TNFAIP8: variants seen among roughly 807,000 people sequenced by gnomAD.
TNFAIP8 encodes the protein TNF alpha induced protein 8.
Under a neutral mutation model 13.3 loss-of-function variants are expected in TNFAIP8, and 7 were observed. The ratio of observed to expected loss-of-function variants is 0.52; its 90% CI spans 0.30 to 0.99. TNFAIP8 has a LOEUF of 0.99. Ranked by LOEUF, TNFAIP8 falls within the 50% of genes least tolerant of loss-of-function variation. The pLI is 0.07. For missense variants in TNFAIP8, 258 were observed against 236.9 expected, an observed-to-expected ratio of 1.09 and a Z score of -0.58; for synonymous variants, 94 against 87.6, an observed-to-expected ratio of 1.07 and a Z score of -0.41.
Position 119,392,959 on chromosome 5 carries a change from A to G in TNFAIP8, c.175A>G (p.Arg59Gly), listed in dbSNP as rs1173085962. 3 of 1,611,622 alleles carry G rather than the reference A, an allele frequency of 1.9e-6. No individual in the cohort carries two copies. In the South Asian group the frequency reaches 3.3e-5, roughly 18 times the overall value. ...EVLDELYRVT[R>G]EYTQNKKEAE... is the part of the protein sequence containing the mutation. ...GCTGGATGAGCTCTACAGAGTGACC[A>G]GGGAGTACACCCAAAACAAGAAGGA... Residue 59 changes from arginine (R) to glycine (G), a missense_variant, in exon 2 of 2, where the codon AGG (arginine) becomes GGG (glycine). By Grantham distance (125) the Arg-to-Gly change is moderately radical. Coordinates refer to ENST00000504771, the MANE Select transcript of TNFAIP8 (RefSeq NM_014350.4).
intron 1 of TNFAIP8, among the ~76,000 whole-genome samples, chr5:119,285,262 T>C (rs1179808724): frequency 6.6e-6 from 1 of 152,202 alleles, no homozygotes; most frequent in African/African-American, 2.4e-5. Flanking sequence ...TTGTCAACTA[T>C]AAATCATCTC....
intron 1 of TNFAIP8, among the ~76,000 whole-genome samples, chr5:119,363,940 C>T (rs1182970776): frequency 8.5e-5 from 13 of 152,200 alleles, no homozygotes; most frequent in Non-Finnish European, 1.6e-4. Flanking sequence ...CTCAGGGAAA[C>T]ATTTACTGAT....
intron 1 of TNFAIP8, among the ~76,000 whole-genome samples, chr5:119,343,088 A>C (rs369686518): frequency 6.6e-5 from 10 of 152,178 alleles, no homozygotes; most frequent in African/African-American, 2.4e-4. Flanking sequence ...CTGAAATGGA[A>C]TTTTGTTCAA....
intron 1 of TNFAIP8, chr5:119,333,182 A>C: frequency 1.0e-6 from 1 of 988,458 alleles, no homozygotes; most frequent in South Asian, 4.7e-5. Context: ...CTTGATTTTG[A>C]ATATACTCCT....
intron 1 of TNFAIP8, among the ~76,000 whole-genome samples, chr5:119,390,334 C>CA (rs1343928656): frequency 1.3e-5 from 2 of 151,994 alleles, no homozygotes; most frequent in African/African-American, 4.8e-5. Flanking sequence ...AGGTCTATAT[C>CA]AGGAGTTCTA....
At chr5:119,327,647 C>T (rs1222707990) in intron 1 of TNFAIP8, among the ~76,000 whole-genome samples, 1 of 152,038 alleles carries the variant, frequency 6.6e-6, no homozygotes, top group African/African-American at 2.4e-5. Flanking sequence ...TTAGTAGATA[C>T]GGGGTTTCAC....
chr5:119,372,586 A>C (rs750480260), intron 1 of TNFAIP8, among the ~76,000 whole-genome samples: 3 of 152,368 alleles, frequency 2.0e-5, no homozygotes, highest in South Asian at 4.1e-4. Context: ...TAAAGGCTCC[A>C]GTCTTTTAGA....
At chr5:119,373,965 T>G (rs1184183136) in intron 1 of TNFAIP8, among the ~76,000 whole-genome samples, 3 of 151,934 alleles carry the variant, frequency 2.0e-5, no homozygotes, top group South Asian at 2.1e-4. Flanking sequence ...AGTATTGGTG[T>G]TTTTTTTCCT....
chr5:119,381,886 C>T lies in TNFAIP8; in HGVS notation c.32-10930C>T, dbSNP rs192316777. On this transcript the variant is annotated intron_variant, in intron 1 of 1. Coordinates refer to ENST00000504771, the MANE Select transcript of TNFAIP8 (RefSeq NM_014350.4). ...GGTGGAGGTTGCAGTGAGCCAAGAT[C>T]GCGCCATTGTACTCCAGCCTGCAAG... Among the ~76,000 whole-genome samples the T allele has an allele frequency of 3.8e-4, 57 of 151,906 alleles. 2 individuals are homozygous for T. The highest frequency in any genetic ancestry group is 1.8e-3 in the Admixed American group (27 of 15,268).
intron 1 of TNFAIP8, among the ~76,000 whole-genome samples, chr5:119,305,903 T>G (rs993076034): frequency 1.3e-5 from 2 of 152,184 alleles, no homozygotes; most frequent in Non-Finnish European, 2.9e-5. Flanking sequence ...CTCTGAGGGC[T>G]CTTGAGGGTT....
intron 1 of TNFAIP8, among the ~76,000 whole-genome samples, chr5:119,304,767 A>G (rs1322569398): frequency 1.3e-5 from 2 of 152,216 alleles, no homozygotes; most frequent in Non-Finnish European, 1.5e-5. Flanking sequence ...TTCTATATCA[A>G]CTGTGTAGCA....
At chr5:119,286,621 C>CAAAA (rs11302326) in intron 1 of TNFAIP8, among the ~76,000 whole-genome samples, 1 of 127,544 alleles carries the variant, frequency 7.8e-6, no homozygotes. Flanking sequence ...GACTCCCTCT[C>CAAAA]AAAAAAAAAA....
chr5:119,332,067 G>GTAT (rs1458109111), intron 1 of TNFAIP8, among the ~76,000 whole-genome samples: 3 of 152,154 alleles, frequency 2.0e-5, no homozygotes, highest in Non-Finnish European at 2.9e-5. Context: ...GGTTTCTAAG[G>GTAT]TATAAGTGTC....
chr5:119,357,293 T>C (rs1317085048), intron 1 of TNFAIP8, among the ~76,000 whole-genome samples: 1 of 152,206 alleles, frequency 6.6e-6, no homozygotes, highest in Non-Finnish European at 1.5e-5. Context: ...TTTTTGAGTT[T>C]GATGTGGAGT....
At position 119,299,622 on chromosome 5, in the gene TNFAIP8, C is replaced by T. The variant is rs369117771; in HGVS notation, c.1+30715C>T. Among the ~76,000 whole-genome samples, 67 of 152,270 alleles carry T rather than the reference C, an allele frequency of 4.4e-4. 2 individuals are homozygous for T. The East Asian group carries it at 0.011, about 25-fold the overall frequency. ...GATCTCCAGCTGTGTGCTGGGAGAA[C>T]CACTGCTCTCTTCAAAGCTGTCAGA... On this transcript the variant is annotated intron_variant, in intron 1 of 1. Coordinates refer to the TNFAIP8 transcript ENST00000274456.
chr5:119,378,533 C>T (rs1482523700), intron 1 of TNFAIP8, among the ~76,000 whole-genome samples: 2 of 152,130 alleles, frequency 1.3e-5, no homozygotes, highest in East Asian at 1.9e-4. Context: ...TGCCAAGATG[C>T]ATATTTGAGA....
chr5:119,325,737 C>T (rs1750206238), intron 1 of TNFAIP8, among the ~76,000 whole-genome samples: 1 of 152,178 alleles, frequency 6.6e-6, no homozygotes, highest in South Asian at 2.1e-4. Context: ...CGTGAGCCAC[C>T]GTGCCTGGCC....
Position 119,277,909 on chromosome 5 carries a change from T to C in TNFAIP8, c.1+9002T>C, listed in dbSNP as rs1748507344. Among the ~76,000 whole-genome samples, 2 of 152,058 alleles carry C rather than the reference T, an allele frequency of 1.3e-5. 1 individual carries two copies. The highest frequency in any genetic ancestry group is 4.1e-4 in the South Asian group (2 of 4,822). On this transcript the variant is annotated intron_variant, in intron 1 of 1. Transcript: ENST00000274456. The stretch of plus-strand genomic sequence containing the variant: ...AGGCACTGGGGTACACCTTTCAACA[T>C]CTTTTGTAAAAGCACTAATCCACTC...
At chr5:119,357,069 G>C (rs968372170) in intron 1 of TNFAIP8, among the ~76,000 whole-genome samples, 2 of 152,120 alleles carry the variant, frequency 1.3e-5, no homozygotes, top group Non-Finnish European at 1.5e-5. Context: ...TTCTCCATTT[G>C]GTAGACACCA....
Sources: gnomAD v4.1 joint callset for allele counts (sites outside exome capture counted in the v4.1 genomes callset) on GRCh38, gnomAD v4.1.1 for gene constraint, MANE v1.5 for transcripts, NCBI Gene and HGNC (gene_info 2026-07-23, HGNC 2026-07-21) for gene names.